The following UBE3C variants were observed in gnomAD, a reference collection of about 807,000 sequenced individuals.
UBE3C encodes ubiquitin-protein ligase E3C.
A neutral mutation model predicts 129.4 loss-of-function variants in UBE3C; 42 were observed. The ratio of observed to expected loss-of-function variants is 0.32; its 90% CI spans 0.25 to 0.42. The LOEUF is 0.42. Among genes scored for constraint, UBE3C ranks in the 10% least tolerant of loss-of-function variants. The pLI is 1.00. For synonymous variants in UBE3C, 510 were observed against 492.4 expected (o/e 1.04, Z -0.47); for missense variants, 1,049 against 1,319.1 (o/e 0.80, Z 3.17).
chr7:157,170,597 C>T, intron 4 of UBE3C, 147 bp downstream of exon 4: 1 of 812,206 alleles, frequency 1.2e-6, no homozygotes, highest in African/African-American at 1.8e-5. Flanking sequence ...TGAGAGGTTA[C>T]CTATGTGGTG....
chr7:157,154,094 T>A lies in UBE3C; in HGVS notation c.67-9716T>A, dbSNP rs534828574. ...CAGCACCTTGGGAGGGAGGCCGAGG[T>A]GGGTGGATCACGAGGTCAGGAGTTC... On this transcript the variant is annotated intron_variant, in intron 1 of 22. Transcript: ENST00000348165. 6.6e-5 allele frequency among the ~76,000 whole-genome samples: 10 copies of A among 151,798 alleles called. No individual in the cohort carries two copies. In the East Asian group the frequency reaches 7.8e-4, roughly 12 times the overall value.
At chr7:157,257,855 ATATT>A (rs1796794531) in intron 22 of UBE3C, among the ~76,000 whole-genome samples, 1 of 151,486 alleles carries the variant, frequency 6.6e-6, no homozygotes, top group African/African-American at 2.4e-5. Context: ...AGTGGTATAT[ATATT>A]ATAGAATAAT....
At chr7:157,223,114 G>A (rs1382151118) in intron 15 of UBE3C, 140 bp from the exon 16 acceptor site, 1 of 806,638 alleles carries the variant, frequency 1.2e-6, no homozygotes, top group Non-Finnish European at 2.1e-6. Context: ...GTCTGCCTGA[G>A]GCGGGGATGT....
At chr7:157,156,729 AAC>A (rs1429436715) in intron 1 of UBE3C, among the ~76,000 whole-genome samples, 1 of 149,818 alleles carries the variant, frequency 6.7e-6, no homozygotes, top group Non-Finnish European at 1.5e-5. Context: ...AAAAAAAAAA[AAC>A]ACAAGCTAGA....
At chr7:157,200,257 C>T (rs532066540) in intron 10 of UBE3C, among the ~76,000 whole-genome samples, 1 of 152,200 alleles carries the variant, frequency 6.6e-6, no homozygotes, top group African/African-American at 2.4e-5. Context: ...CAGTGATGTA[C>T]CCTTATTGCC....
chr7:157,182,472 G>A, intron 8 of UBE3C, 144 bp downstream of exon 8: 1 of 784,098 alleles, frequency 1.3e-6, no homozygotes, highest in Admixed American at 2.9e-5. Flanking sequence ...ATGTGGTCTG[G>A]GCAGTGTGTT....
chr7:157,256,019 C>CA lies in UBE3C; in HGVS notation c.2951-895_2951-894insA, dbSNP rs1796742177. 5.3e-5 allele frequency among the ~76,000 whole-genome samples: 8 copies of CA among 152,306 alleles called. No individual in the cohort carries two copies. The South Asian group carries it at 1.7e-3, about 32-fold the overall frequency. On this transcript the variant is annotated intron_variant, in intron 21 of 22. Transcript: ENST00000348165. ...GGCCACGTGCAAGCCCCTTCTCTGC[C>CA]GTCTGTTCAGCGGCGGCTTTGAACT...
intron 14 of UBE3C, 139 bp from the exon 15 acceptor site, chr7:157,220,550 G>A (rs2116611015): frequency 1.3e-6 from 1 of 771,934 alleles, no homozygotes; most frequent in East Asian, 2.7e-5. Flanking sequence ...AAAGCAAAAG[G>A]GGACATGAAG....
chr7:157,211,191 A>AGAGAGAGAGAGAGAGAGAGAGAGAGCGC (rs1481725592), intron 13 of UBE3C, among the ~76,000 whole-genome samples: 142 of 151,682 alleles, frequency 9.4e-4, no homozygotes, highest in African/African-American at 2.9e-3. Context: ...AGAGAGAGAG[A>AGAGAGAGAGAGAGAGAGAGAGAGAGCGC]GAGCCATACT....
intron 10 of UBE3C, chr7:157,188,999 C>A: frequency 1.7e-6 from 1 of 590,846 alleles, no homozygotes; most frequent in Admixed American, 2.4e-5. Flanking sequence ...GAAAGATTTC[C>A]GAGACAGATG....
intron 19 of UBE3C, 46 bp from the exon 20 acceptor site, chr7:157,253,908 T>A: frequency 6.6e-7 from 1 of 1,505,582 alleles, no homozygotes; most frequent in Non-Finnish European, 9.0e-7. Context: ...TTTAACCTAT[T>A]ATCATACTTT....
intron 10 of UBE3C, chr7:157,197,999 G>A: frequency 8.1e-6 from 13 of 1,606,892 alleles, no homozygotes; most frequent in Non-Finnish European, 7.7e-6. Flanking sequence ...GATCCTGATG[G>A]TCCTCCATAT....
chr7:157,196,892 C>G (rs1809135123), intron 10 of UBE3C, among the ~76,000 whole-genome samples: 1 of 152,168 alleles, frequency 6.6e-6, no homozygotes, highest in Non-Finnish European at 1.5e-5. Flanking sequence ...TCTCTTGAAC[C>G]TGGGAGGTGG....
chr7:157,232,463 A>T (rs1392412762), intron 18 of UBE3C, among the ~76,000 whole-genome samples: 1 of 152,056 alleles, frequency 6.6e-6, no homozygotes, highest in Admixed American at 6.6e-5. Context: ...GGTTCAAGGG[A>T]TTGTCCTGCA....
intron 18 of UBE3C, among the ~76,000 whole-genome samples, chr7:157,232,243 CA>C (rs1796040872): frequency 6.6e-6 from 1 of 152,124 alleles, no homozygotes; most frequent in Non-Finnish European, 1.5e-5. Flanking sequence ...ACCTCATTTC[CA>C]AAGAAGGTTA....
intron 1 of UBE3C, among the ~76,000 whole-genome samples, chr7:157,155,372 A>G (rs918832479): frequency 1.3e-4 from 20 of 152,228 alleles, no homozygotes; most frequent in African/African-American, 4.8e-4. Context: ...TAAATGGAGT[A>G]AATTGTTAAT....
At chr7:157,184,572 T>G (rs1356165225) in intron 9 of UBE3C, among the ~76,000 whole-genome samples, 1 of 152,178 alleles carries the variant, frequency 6.6e-6, no homozygotes, top group African/African-American at 2.4e-5. Context: ...CGCCAATGAC[T>G]TTTTTTGGTC....
intron 10 of UBE3C, among the ~76,000 whole-genome samples, chr7:157,199,826 A>C (rs1375886460): frequency 6.6e-6 from 1 of 152,208 alleles, no homozygotes; most frequent in Admixed American, 6.5e-5. Context: ...GACAGACAGC[A>C]TACTTAGTTA....
chr7:157,139,485 C>T (rs1445568605), intron 1 of UBE3C, 147 bp downstream of exon 1: 2 of 731,838 alleles, frequency 2.7e-6, no homozygotes, highest in South Asian at 2.7e-5. Flanking sequence ...CTCGGGGCTT[C>T]CTCGCCGGAT....
Sources: gnomAD v4.1 joint callset for allele counts (sites outside exome capture counted in the v4.1 genomes callset) on GRCh38, gnomAD v4.1.1 for gene constraint, MANE v1.5 for transcripts, NCBI Gene and HGNC (gene_info 2026-07-23, HGNC 2026-07-21) for gene names.